Variants in TENM2 observed in about 807,000 individuals in gnomAD.
TENM2 encodes teneurin transmembrane protein 2.
TENM2 carries 52 observed loss-of-function variants against 245.2 expected under a neutral mutation model. The observed-to-expected ratio is 0.21, with a 90% CI of 0.17 to 0.27. TENM2 has a LOEUF of 0.27. TENM2 is among the 10% of genes least tolerant of loss of function. The pLI is 1.00. For synonymous variants in TENM2, 1,363 were observed against 1,438.9 expected, an observed-to-expected ratio of 0.95 and a Z score of 1.19; for missense variants, 3,046 against 3,666.8, an observed-to-expected ratio of 0.83 and a Z score of 4.37.
chr5:168,125,885 A>G (rs982157037), intron 11 of TENM2, among the ~76,000 whole-genome samples: 2 of 152,086 alleles, frequency 1.3e-5, no homozygotes, highest in Non-Finnish European at 1.5e-5. Flanking sequence ...GGGGTCCTAG[A>G]TCCAAAACCC....
At chr5:167,823,994 C>G (rs1440041755) in intron 2 of TENM2, among the ~76,000 whole-genome samples, 2 of 152,102 alleles carry the variant, frequency 1.3e-5, no homozygotes, top group Non-Finnish European at 1.5e-5. Context: ...AACGGTGTGA[C>G]CCACCTTACC....
chr5:167,339,404 G>GAGAT (rs1757965971), intron 1 of TENM2, among the ~76,000 whole-genome samples: 1 of 152,132 alleles, frequency 6.6e-6, no homozygotes, highest in South Asian at 2.1e-4. Context: ...GTTTCCTGAT[G>GAGAT]AGATGGCTGA....
intron 2 of TENM2, among the ~76,000 whole-genome samples, chr5:167,609,517 AC>A (rs1554089539): frequency 8.7e-6 from 1 of 114,430 alleles, no homozygotes; most frequent in African/African-American, 2.9e-5. Context: ...AAAAAACAAA[AC>A]CTTACCTAGA....
intron 19 of TENM2, among the ~76,000 whole-genome samples, chr5:168,207,984 G>A (rs1303701178): frequency 6.6e-6 from 1 of 152,198 alleles, no homozygotes; most frequent in Non-Finnish European, 1.5e-5. Flanking sequence ...TCCCATAGAA[G>A]CCTGATATCC....
At chr5:168,165,832 G>C (rs919285270) in intron 13 of TENM2, 2 of 149,204 alleles carry the variant, frequency 1.3e-5, no homozygotes, top group Non-Finnish European at 1.5e-5. Flanking sequence ...TGGTGTTTAT[G>C]AAAAGAAACT....
intron 2 of TENM2, among the ~76,000 whole-genome samples, chr5:167,397,115 C>T (rs1762097526): frequency 6.6e-6 from 1 of 152,080 alleles, no homozygotes; most frequent in Non-Finnish European, 1.5e-5. Flanking sequence ...TTCTAACACA[C>T]TGTAAGAAAT....
At chr5:167,129,759 A>T in the TENM2 span, among the ~76,000 whole-genome samples, 1 of 152,132 alleles carries the variant, frequency 6.6e-6, no homozygotes, top group African/African-American at 2.4e-5. Flanking sequence ...TGCTTAATGG[A>T]CTCTGGCTGT....
In TENM2 at chr5:167,375,115, G is replaced by T; in HGVS notation, c.227-83G>T. On this transcript the variant is annotated intron_variant, in intron 1 of 28. Transcript: ENST00000518659. Reference sequence around the variant, plus strand: ...GATGTATCTGTCAGATGGGAAAAGTGGCTGCTTTTTTGTAAGGATAAATTT... The same window carrying T: ...GATGTATCTGTCAGATGGGAAAAGTTGCTGCTTTTTTGTAAGGATAAATTT... 3 of 1,413,346 alleles carry T rather than the reference G, an allele frequency of 2.1e-6. No individual in the cohort carries two copies. The Admixed American group carries it at 6.8e-5, about 32-fold the overall frequency. 87.6% of individuals were successfully genotyped at this position (1,413,346 alleles called of 1,614,324 possible).
rs180798476 is a variant in TENM2 at position 167,684,098 on chromosome 5, G to A, written c.503-191888G>A. The stretch of plus-strand genomic sequence containing the variant: ...TCCAGTCGTCATTCAATAAAAGGAC[G>A]CAGACCAACACTAAAATTTATTTTG... On this transcript the variant is annotated intron_variant, in intron 2 of 28. Transcript: ENST00000518659. Among the ~76,000 whole-genome samples the A allele has an allele frequency of 9.2e-5, 14 of 152,312 alleles. No individual in the cohort carries two copies. The East Asian group carries it at 2.1e-3, about 23-fold the overall frequency.
intron 14 of TENM2, among the ~76,000 whole-genome samples, chr5:168,194,645 C>A (rs1473222989): frequency 1.3e-5 from 2 of 152,074 alleles, no homozygotes; most frequent in African/African-American, 2.4e-5. Flanking sequence ...TTTCCTCAGA[C>A]CCTCATGGAT....
At chr5:167,153,664 TA>T in the TENM2 span, among the ~76,000 whole-genome samples, 1 of 151,234 alleles carries the variant, frequency 6.6e-6, no homozygotes, top group African/African-American at 2.5e-5. Flanking sequence ...GATATGGCTT[TA>T]AATATATATA....
intron 27 of TENM2, 76 bp downstream of exon 29, chr5:168,248,447 G>T (rs1766799123): frequency 1.4e-6 from 2 of 1,426,608 alleles, no homozygotes; most frequent in African/African-American, 2.8e-5. Context: ...TGGGAGGAAG[G>T]TCTCCCATCT....
At chr5:168,221,131 A>C (rs1337836518) in intron 23 of TENM2, among the ~76,000 whole-genome samples, 32 of 151,714 alleles carry the variant, frequency 2.1e-4, no homozygotes, top group Admixed American at 2.1e-3. Flanking sequence ...AAAGAAAAAG[A>C]AAGAAAGAAA....
intron 2 of TENM2, among the ~76,000 whole-genome samples, chr5:167,853,732 A>G (rs916785259): frequency 2.0e-5 from 3 of 152,124 alleles, no homozygotes; most frequent in African/African-American, 7.2e-5. Context: ...GACTATTGCA[A>G]TTTGCTTTTC....
At chr5:167,705,976 T>C (rs1230746019) in intron 2 of TENM2, among the ~76,000 whole-genome samples, 2 of 102,480 alleles carry the variant, frequency 2.0e-5, no homozygotes, top group African/African-American at 5.7e-5. Context: ...TATATATATA[T>C]ATATATATAT....
At chr5:167,862,445 C>T (rs1304973429) in intron 2 of TENM2, among the ~76,000 whole-genome samples, 1 of 152,204 alleles carries the variant, frequency 6.6e-6, no homozygotes, top group Non-Finnish European at 1.5e-5. Context: ...CTATTTCAGA[C>T]AAAAATCAGT....
the TENM2 span, among the ~76,000 whole-genome samples, chr5:167,255,166 T>C: frequency 6.6e-6 from 1 of 151,836 alleles, no homozygotes; most frequent in South Asian, 2.1e-4. Flanking sequence ...ACTTAGTCCC[T>C]AATTCTGTCA....
chr5:167,904,128 T>C (rs1775912397), intron 3 of TENM2, among the ~76,000 whole-genome samples: 1 of 152,208 alleles, frequency 6.6e-6, no homozygotes, highest in South Asian at 2.1e-4. Flanking sequence ...AATATATGCC[T>C]ATTTATGCCC....
the TENM2 span, among the ~76,000 whole-genome samples, chr5:167,248,026 T>A: frequency 1.3e-5 from 2 of 152,120 alleles, no homozygotes; most frequent in Non-Finnish European, 2.9e-5. Flanking sequence ...GTTGGCAGTA[T>A]GTCTAAAAGA....
Sources: gnomAD v4.1 joint callset for allele counts (sites outside exome capture counted in the v4.1 genomes callset) on GRCh38, gnomAD v4.1.1 for gene constraint, MANE v1.5 for transcripts, NCBI Gene and HGNC (gene_info 2026-07-23, HGNC 2026-07-21) for gene names.